Variants in MTX2 observed in about 807,000 individuals in gnomAD.
MTX2 encodes metaxin 2, also known as metaxin-2.
Under a neutral mutation model 42.3 loss-of-function variants are expected in MTX2, and 35 were observed. The observed-to-expected ratio is 0.83, with a 90% CI of 0.63 to 1.10. The LOEUF (loss-of-function observed/expected upper bound fraction) is 1.10. Ranked by LOEUF, MTX2 falls within the 50% of genes least tolerant of loss-of-function variation. The pLI, the probability that MTX2 is intolerant of heterozygous loss-of-function variation, is 0.00. For missense variants in MTX2, 307 were observed against 304.1 expected (o/e 1.01, Z -0.07); for synonymous variants, 119 against 100.9 (o/e 1.18, Z -1.08).
intron 4 of MTX2, among the ~76,000 whole-genome samples, chr2:176,324,795 A>G (rs553009873): frequency 2.6e-5 from 4 of 151,768 alleles, no homozygotes; most frequent in Non-Finnish European, 5.9e-5. Context: ...AAAAATATAC[A>G]TTCTTTCATA....
intron 1 of MTX2, among the ~76,000 whole-genome samples, chr2:176,289,774 G>C (rs1331369845): frequency 6.6e-6 from 1 of 151,944 alleles, no homozygotes; most frequent in Non-Finnish European, 1.5e-5. Context: ...TAAAAGGTGG[G>C]TAGTTTAATT....
At chr2:176,300,297 G>T (rs1398793823) in intron 3 of MTX2, among the ~76,000 whole-genome samples, 1 of 151,980 alleles carries the variant, frequency 6.6e-6, no homozygotes, top group African/African-American at 2.4e-5. Flanking sequence ...CACAATGTTG[G>T]CCACATTTGT....
chr2:176,297,542 A>G (rs541015314), intron 2 of MTX2, among the ~76,000 whole-genome samples: 1 of 152,146 alleles, frequency 6.6e-6, no homozygotes, highest in Non-Finnish European at 1.5e-5. Context: ...GAAAGGTTTC[A>G]CCAGATTTTA....
intron 1 of MTX2, among the ~76,000 whole-genome samples, chr2:176,285,119 G>A (rs1161581358): frequency 6.6e-6 from 1 of 152,188 alleles, no homozygotes; most frequent in African/African-American, 2.4e-5. Context: ...TGACTGTAGA[G>A]CAACACTACT....
At chr2:176,286,980 A>T (rs962036147) in intron 1 of MTX2, among the ~76,000 whole-genome samples, 2 of 152,188 alleles carry the variant, frequency 1.3e-5, no homozygotes, top group Non-Finnish European at 2.9e-5. Context: ...TTGGTGTTTT[A>T]GAGATTATAC....
intron 3 of MTX2, among the ~76,000 whole-genome samples, chr2:176,322,678 A>AT (rs1262389690): frequency 2.6e-5 from 4 of 151,832 alleles, no homozygotes; most frequent in Admixed American, 6.6e-5. Context: ...AGAGTTTTGC[A>AT]TTTTTTTACT....
chr2:176,280,750 C>T (rs1453874075), intron 1 of MTX2, among the ~76,000 whole-genome samples: 1 of 152,142 alleles, frequency 6.6e-6, no homozygotes, highest in East Asian at 1.9e-4. Context: ...GCAAACCGCA[C>T]GTAGCAGTAT....
chr2:176,290,008 A>G (rs1171958306), intron 1 of MTX2, among the ~76,000 whole-genome samples: 1 of 152,152 alleles, frequency 6.6e-6, no homozygotes, highest in East Asian at 1.9e-4. Flanking sequence ...TAACAATATG[A>G]TAGAGTAGAA....
At chr2:176,328,414 A>G (rs764271098) in intron 6 of MTX2, 29 bp downstream of exon 6, 8 of 1,375,870 alleles carry the variant, frequency 5.8e-6, no homozygotes, top group Middle Eastern at 2.0e-4. Flanking sequence ...CGGCTTGAAA[A>G]TAAGCTTTTT....
chr2:176,324,840 CTACTAAGA>C (rs1475104781), intron 4 of MTX2, among the ~76,000 whole-genome samples: 2 of 151,722 alleles, frequency 1.3e-5, no homozygotes, highest in Admixed American at 1.3e-4. Flanking sequence ...ATGGCACTTT[CTACTAAGA>C]TATTTAAACT....
intron 1 of MTX2, among the ~76,000 whole-genome samples, chr2:176,270,868 A>G (rs1692789693): frequency 6.6e-6 from 1 of 152,188 alleles, no homozygotes; most frequent in African/African-American, 2.4e-5. Context: ...ATCAATGACT[A>G]ATCTTGAGAT....
chr2:176,328,393 A>T lies in MTX2; in HGVS notation c.378+8A>T. 1 of 1,478,278 alleles carries T rather than the reference A, an allele frequency of 6.8e-7. No individual in the cohort carries two copies. The allele number at this position is 1,478,278 out of a possible 1,614,324, so 91.6% of individuals were successfully genotyped here. ...ATGCTGTTGACTGCAGAGGTAAAAT[A>T]CTAGATGATACGGCTTGAAAATAAG... On this transcript the variant is annotated splice_region_variant and intron_variant, in intron 6 of 9. Coordinates refer to ENST00000249442, the MANE Select transcript of MTX2 (RefSeq NM_006554.5).
intron 1 of MTX2, among the ~76,000 whole-genome samples, chr2:176,280,303 T>A (rs6433577): frequency 0.25 from 38,371 of 151,738 alleles, 5,092 homozygotes; most frequent in South Asian, 0.31. Context: ...GTAAAGGGAA[T>A]TTATAAACGT....
At chr2:176,291,747 C>T (rs545012972) in intron 1 of MTX2, among the ~76,000 whole-genome samples, 3 of 152,102 alleles carry the variant, frequency 2.0e-5, no homozygotes, top group Non-Finnish European at 4.4e-5. Flanking sequence ...GTTACACGCT[C>T]GTGAACCTGG....
At chr2:176,319,844 G>A (rs911870827) in intron 3 of MTX2, among the ~76,000 whole-genome samples, 9 of 152,060 alleles carry the variant, frequency 5.9e-5, no homozygotes, top group African/African-American at 2.2e-4. Flanking sequence ...AAAGTGCTGC[G>A]ATTATAGGCA....
chr2:176,287,895 TGC>T (rs1361991471), intron 1 of MTX2, among the ~76,000 whole-genome samples: 5 of 138,604 alleles, frequency 3.6e-5, no homozygotes, highest in African/African-American at 1.4e-4. Flanking sequence ...CAATACTGAC[TGC>T]TTTTTTTTTT....
intron 3 of MTX2, among the ~76,000 whole-genome samples, chr2:176,309,885 G>T (rs1684257948): frequency 6.6e-6 from 1 of 151,760 alleles, no homozygotes; most frequent in African/African-American, 2.4e-5. Flanking sequence ...CTTTTAATTG[G>T]GGCATTTAGC....
intron 1 of MTX2, among the ~76,000 whole-genome samples, chr2:176,274,669 G>A (rs1692904206): frequency 6.6e-6 from 1 of 152,316 alleles, no homozygotes; most frequent in African/African-American, 2.4e-5. Context: ...AGCCGGGGGA[G>A]ATCCAGGACT....
chr2:176,322,397 G>A (rs1202370901), intron 3 of MTX2, among the ~76,000 whole-genome samples: 1 of 151,984 alleles, frequency 6.6e-6, no homozygotes, highest in African/African-American at 2.4e-5. Context: ...GCTATTTATA[G>A]TACTTTCAAT....
Sources: allele counts gnomAD v4.1 joint callset (sites outside exome capture counted in the v4.1 genomes callset), GRCh38; gene constraint gnomAD v4.1.1; transcripts MANE v1.5; gene names NCBI Gene and HGNC (gene_info 2026-07-23, HGNC 2026-07-21).